Variants in METRNL observed in about 807,000 individuals in gnomAD.
The protein encoded by METRNL is meteorin-like protein.
In METRNL, 9 loss-of-function variants were observed where a neutral mutation model predicts 17.4. The ratio of observed to expected loss-of-function variants is 0.52; its 90% CI spans 0.31 to 0.90. METRNL has a LOEUF of 0.90. Among genes scored for constraint, METRNL ranks in the 40% least tolerant of loss-of-function variants. METRNL has a pLI of 0.05. For synonymous variants in METRNL, 215 were observed against 199.3 expected (o/e 1.08, Z -0.66); for missense variants, 408 against 430.7 (o/e 0.95, Z 0.47).
At chr17:83,092,744 A>C (rs1303134786) in intron 2 of METRNL, among the ~76,000 whole-genome samples, 3 of 152,176 alleles carry the variant, frequency 2.0e-5, no homozygotes, top group Non-Finnish European at 4.4e-5. Context: ...TTGCATTTGC[A>C]ACAGGCACGT....
intron 2 of METRNL, among the ~76,000 whole-genome samples, chr17:83,087,784 A>T (rs111604027): frequency 0.016 from 1,839 of 114,994 alleles, 26 homozygotes; most frequent in South Asian, 0.089. Context: ...GCCGAGCCTG[A>T]GGTGAGCCTG....
At chr17:83,084,856 C>A (rs918108570) in intron 1 of METRNL, 82 bp from the exon 2 acceptor site, 9 of 1,511,732 alleles carry the variant, frequency 6.0e-6, no homozygotes, top group African/African-American at 1.4e-5. Context: ...GAGCGGGTAT[C>A]GTCCTCACTG....
In METRNL at chr17:83,085,342, G is replaced by A; in HGVS notation, c.556+19G>A. 1 of 1,512,188 alleles carries A rather than the reference G, an allele frequency of 6.6e-7. No individual in the cohort carries two copies. Among genetic ancestry groups the A allele is most frequent in the South Asian group, 1.3e-5 (1 of 74,938 alleles). 93.7% of individuals were successfully genotyped at this position (1,512,188 alleles called of 1,614,324 possible). A position where few individuals can be genotyped will look rare whatever the true frequency, so the allele number is the denominator to read the frequency against. The stretch of plus-strand genomic sequence containing the variant: ...CTGTCTGGTGAGTGTCCTGCCTGGG[G>A]CGGGGGCGGCGGGCCTCGTCATCAC... On this transcript the variant is annotated intron_variant, in intron 2 of 3. Transcript: ENST00000320095.
chr17:83,089,680 C>T (rs1056534885), intron 2 of METRNL, among the ~76,000 whole-genome samples: 14 of 152,216 alleles, frequency 9.2e-5, no homozygotes, highest in South Asian at 2.1e-4. Context: ...GCAATGTGTC[C>T]GTGAGCAGCG....
At chr17:83,084,893 G>T (rs1568335817) in intron 1 of METRNL, 45 bp from the exon 2 acceptor site, 1 of 1,570,262 alleles carries the variant, frequency 6.4e-7, no homozygotes, top group South Asian at 1.2e-5. Flanking sequence ...GGTGGGGTGT[G>T]TGACGGGAGC....
intron 2 of METRNL, among the ~76,000 whole-genome samples, chr17:83,086,559 C>T (rs1031420472): frequency 6.6e-6 from 1 of 152,218 alleles, no homozygotes; most frequent in Non-Finnish European, 1.5e-5. Flanking sequence ...GAGGCGAAAC[C>T]TGGAGAAATC....
Position 83,094,732 on chromosome 17 carries a change from A to T in METRNL, c.*157A>T. 1 of 476,924 alleles carries T rather than the reference A, an allele frequency of 2.1e-6. No individual in the cohort carries two copies. The highest frequency in any genetic ancestry group is 3.4e-6 in the Non-Finnish European group (1 of 297,222). The allele number at this position is 476,924 out of a possible 1,614,324, so 29.5% of individuals were successfully genotyped here. ...CCGAAGCTGTGGACGTTCTCGCCAC[A>T]CTCAACCCCATGAGCTTCCAGCCAA... On this transcript the variant is annotated 3_prime_UTR_variant, in exon 4 of 4. Coordinates refer to ENST00000320095, the MANE Select transcript of METRNL (RefSeq NM_001004431.3).
In METRNL at chr17:83,085,337, C is replaced by G. The variant is rs377461236; in HGVS notation, c.556+14C>G. On this transcript the variant is annotated intron_variant, in intron 2 of 3. Transcript: ENST00000320095. Reference sequence around the variant, plus strand: ...ACGAGCTGTCTGGTGAGTGTCCTGCCTGGGGCGGGGGCGGCGGGCCTCGTC... The same window carrying G: ...ACGAGCTGTCTGGTGAGTGTCCTGCGTGGGGCGGGGGCGGCGGGCCTCGTC... The G allele has an allele frequency of 1.3e-6, 2 of 1,513,894 alleles. No homozygotes were observed. Among genetic ancestry groups the G allele is most frequent in the Non-Finnish European group, 1.8e-6 (2 of 1,131,876 alleles). The allele number at this position is 1,513,894 out of a possible 1,614,324, so 93.8% of individuals were successfully genotyped here.
intron 1 of METRNL, chr17:83,080,191 G>A (rs1203700786): frequency 1.7e-5 from 3 of 172,654 alleles, no homozygotes; most frequent in Non-Finnish European, 3.5e-5. Flanking sequence ...TTCCCGGCCC[G>A]GAGGACGCCC....
At chr17:83,093,260 G>T in intron 3 of METRNL, 34 bp downstream of exon 3, 1 of 1,582,138 alleles carries the variant, frequency 6.3e-7, no homozygotes. Context: ...TACCTCCTGT[G>T]CTCCTGGTTT....
intron 2 of METRNL, among the ~76,000 whole-genome samples, chr17:83,089,664 C>T (rs143973332): frequency 1.1e-4 from 17 of 152,240 alleles, no homozygotes; most frequent in South Asian, 2.1e-4. Context: ...GCCCTGGAGA[C>T]GAGGTGCAAT....
intron 2 of METRNL, among the ~76,000 whole-genome samples, chr17:83,087,758 G>A (rs1428184673): frequency 1.3e-5 from 2 of 151,974 alleles, no homozygotes; most frequent in Non-Finnish European, 2.9e-5. Context: ...AGGCTGAGCC[G>A]GGCAGCGCCA....
intron 2 of METRNL, among the ~76,000 whole-genome samples, chr17:83,089,020 C>T (rs370779054): frequency 5.3e-5 from 8 of 152,096 alleles, no homozygotes; most frequent in Admixed American, 3.9e-4. Context: ...GTGTGGCCCC[C>T]GCCAGCTTCC....
chr17:83,088,288 C>T (rs190782232), intron 2 of METRNL, among the ~76,000 whole-genome samples: 4 of 152,372 alleles, frequency 2.6e-5, no homozygotes, highest in Admixed American at 2.0e-4. Flanking sequence ...AGACCTGTGC[C>T]CAGCAGACCT....
intron 1 of METRNL, among the ~76,000 whole-genome samples, chr17:83,083,415 C>T (rs111667295): frequency 2.0e-4 from 31 of 152,324 alleles, no homozygotes; most frequent in Non-Finnish European, 3.4e-4. Context: ...GAGGGAGAGA[C>T]GTGACGATGA....
At chr17:83,081,945 G>T (rs1025297830) in intron 1 of METRNL, among the ~76,000 whole-genome samples, 2 of 152,192 alleles carry the variant, frequency 1.3e-5, no homozygotes, top group South Asian at 4.1e-4. Context: ...CTGTCCTGAC[G>T]AAGCACAGGG....
intron 2 of METRNL, among the ~76,000 whole-genome samples, chr17:83,090,686 G>A (rs952440852): frequency 1.3e-5 from 2 of 151,220 alleles, no homozygotes; most frequent in African/African-American, 4.9e-5. Flanking sequence ...CGCTTCTGTC[G>A]TTGACCAGCT....
chr17:83,088,168 C>T (rs1192219508), intron 2 of METRNL, among the ~76,000 whole-genome samples: 1 of 152,206 alleles, frequency 6.6e-6, no homozygotes, highest in African/African-American at 2.4e-5. Flanking sequence ...ACCTCTCAGC[C>T]CTGCACCAGC....
rs2038176290 is a variant in METRNL at position 83,094,354 on chromosome 17, G to T, written c.715G>T (p.Val239Phe). The change falls in exon 4 of 4, where the codon GTC (valine) becomes TTC (phenylalanine). Residue 239 changes from valine to phenylalanine, a missense_variant. By Grantham distance (50) the Val-to-Phe change is conservative. Coordinates refer to ENST00000320095, the MANE Select transcript of METRNL (RefSeq NM_001004431.3). Reference protein sequence around the residue: ...VSRLYRQKSRVFEPVPEGDGH... With the variant: ...VSRLYRQKSRFFEPVPEGDGH... ...CAGACTCTATCGGCAGAAAAGCAGG[G>T]TCTTCGAGCCGGTGCCCGAGGGTGA... 1 of 1,610,828 alleles carries T rather than the reference G, an allele frequency of 6.2e-7. No homozygotes were observed. The highest frequency in any genetic ancestry group is 8.5e-7 in the Non-Finnish European group (1 of 1,178,544).
Sources: gnomAD v4.1 joint callset for allele counts (sites outside exome capture counted in the v4.1 genomes callset) on GRCh38, gnomAD v4.1.1 for gene constraint, MANE v1.5 for transcripts, NCBI Gene and HGNC (gene_info 2026-07-23, HGNC 2026-07-21) for gene names.